The following FSTL5 variants were observed in gnomAD, a reference collection of about 807,000 sequenced individuals.
FSTL5 encodes follistatin like 5, also known as follistatin-related protein 5.
Under a neutral mutation model 89.1 loss-of-function variants are expected in FSTL5, and 62 were observed. The ratio of observed to expected loss-of-function variants is 0.70; its 90% CI spans 0.57 to 0.86. The LOEUF is 0.86. FSTL5 is among the 40% of genes least tolerant of loss of function. FSTL5 has a pLI of 0.00. For missense variants in FSTL5, 1,057 were observed against 1,001.6 expected (o/e 1.06, Z -0.75); for synonymous variants, 383 against 346.2 (o/e 1.11, Z -1.18).
At chr4:161,680,697 A>T (rs963825019) in intron 6 of FSTL5, among the ~76,000 whole-genome samples, 1 of 151,692 alleles carries the variant, frequency 6.6e-6, no homozygotes, top group African/African-American at 2.4e-5. Context: ...GGAAATAATT[A>T]TAGTAAAATA....
At chr4:161,607,363 C>T (rs1424371591) in intron 7 of FSTL5, among the ~76,000 whole-genome samples, 1 of 151,996 alleles carries the variant, frequency 6.6e-6, no homozygotes. Context: ...TTTTTTAAGT[C>T]AGGAGAGAAT....
At chr4:161,765,394 T>C (rs758910688) in intron 5 of FSTL5, among the ~76,000 whole-genome samples, 43 of 152,334 alleles carry the variant, frequency 2.8e-4, no homozygotes, top group Non-Finnish European at 5.4e-4. Context: ...ATAAAACGGC[T>C]ATTATAAATC....
chr4:161,549,727 C>T (rs1169515080), intron 8 of FSTL5, among the ~76,000 whole-genome samples: 7 of 151,876 alleles, frequency 4.6e-5, no homozygotes, highest in Non-Finnish European at 7.4e-5. Context: ...ATTTGCTCTC[C>T]GGTTAATGCA....
At chr4:162,034,845 T>C (rs1353582865) in intron 2 of FSTL5, among the ~76,000 whole-genome samples, 2 of 152,182 alleles carry the variant, frequency 1.3e-5, no homozygotes, top group Non-Finnish European at 2.9e-5. Flanking sequence ...TGTGTATTTA[T>C]TGAATCAGCT....
chr4:161,563,454 C>G (rs78082234), intron 8 of FSTL5, among the ~76,000 whole-genome samples: 10,902 of 151,920 alleles, frequency 0.072, 694 homozygotes, highest in East Asian at 0.32. Flanking sequence ...TCTGACCATC[C>G]GTTATTTTCC....
chr4:162,077,019 A>G (rs1729877399), intron 2 of FSTL5, among the ~76,000 whole-genome samples: 1 of 151,998 alleles, frequency 6.6e-6, no homozygotes, highest in South Asian at 2.1e-4. Flanking sequence ...CAGTAGAATC[A>G]GCTGCATATA....
intron 6 of FSTL5, among the ~76,000 whole-genome samples, chr4:161,674,564 G>A (rs2126701697): frequency 6.6e-6 from 1 of 152,224 alleles, no homozygotes; most frequent in South Asian, 2.1e-4. Flanking sequence ...GAACTGCATA[G>A]TATATCAACG....
chr4:161,981,170 T>C (rs1455571412), intron 3 of FSTL5, among the ~76,000 whole-genome samples: 1 of 152,154 alleles, frequency 6.6e-6, no homozygotes, highest in Non-Finnish European at 1.5e-5. Context: ...GAAAAGTCAG[T>C]ACAGGAAAAG....
intron 2 of FSTL5, among the ~76,000 whole-genome samples, chr4:162,109,446 C>T (rs1731352323): frequency 6.6e-6 from 1 of 152,000 alleles, no homozygotes. Context: ...TCTGTCTCTA[C>T]TTTTAAAACC....
chr4:161,695,436 T>TGTGTGTGG (rs2126724311), intron 6 of FSTL5, among the ~76,000 whole-genome samples: 1 of 133,268 alleles, frequency 7.5e-6, no homozygotes, highest in South Asian at 2.3e-4. Flanking sequence ...TGTGTGTGTG[T>TGTGTGTGG]GTGTGTGTGT....
intron 3 of FSTL5, among the ~76,000 whole-genome samples, chr4:161,968,764 T>G (rs535181216): frequency 2.8e-4 from 42 of 152,130 alleles, no homozygotes; most frequent in Non-Finnish European, 5.4e-4. Context: ...GCAAACATCT[T>G]GATTATTCAA....
intron 2 of FSTL5, among the ~76,000 whole-genome samples, chr4:162,068,644 AG>A (rs1729456390): frequency 5.3e-5 from 8 of 152,246 alleles, no homozygotes; most frequent in Admixed American, 4.6e-4. Flanking sequence ...GCACAGGCAA[AG>A]ATATCATGAT....
At position 162,088,014 on chromosome 4, in the gene FSTL5, A is replaced by C. The variant is rs187475561; in HGVS notation, c.126+23257T>G. Among the ~76,000 whole-genome samples, 22 of 152,248 alleles carry C rather than the reference A, an allele frequency of 1.4e-4. No homozygotes were observed. The East Asian group carries it at 4.3e-3, about 29-fold the overall frequency. On this transcript the variant is annotated intron_variant, in intron 2 of 15. Transcript: ENST00000306100. The stretch of plus-strand genomic sequence containing the variant: ...GAATGGATTAGGGAAATATTCAAAA[A>C]ATAATACTTAGTTTTTAAAAAGCCT...
At chr4:161,895,135 C>G (rs1733114033) in intron 4 of FSTL5, among the ~76,000 whole-genome samples, 1 of 152,166 alleles carries the variant, frequency 6.6e-6, no homozygotes, top group Non-Finnish European at 1.5e-5. Context: ...CAAAGTCTCA[C>G]AGCTAATAAG....
At chr4:161,623,347 A>G (rs764179466) in intron 7 of FSTL5, among the ~76,000 whole-genome samples, 1 of 152,054 alleles carries the variant, frequency 6.6e-6, no homozygotes, top group Non-Finnish European at 1.5e-5. Flanking sequence ...GGCAGATGTT[A>G]TCACTATTTA....
chr4:162,044,036 C>T (rs180691879), intron 2 of FSTL5, among the ~76,000 whole-genome samples: 4 of 152,262 alleles, frequency 2.6e-5, no homozygotes, highest in African/African-American at 7.2e-5. Flanking sequence ...TTAAAGTTGA[C>T]ATTTTGACCT....
intron 8 of FSTL5, among the ~76,000 whole-genome samples, chr4:161,550,824 A>C (rs1388645100): frequency 6.6e-6 from 1 of 151,868 alleles, no homozygotes; most frequent in Admixed American, 6.6e-5. Flanking sequence ...ATGAGTGAGA[A>C]TATGCGGTGT....
intron 1 of FSTL5, among the ~76,000 whole-genome samples, chr4:162,152,738 T>G (rs1733277576): frequency 6.6e-6 from 1 of 151,988 alleles, no homozygotes; most frequent in Non-Finnish European, 1.5e-5. Flanking sequence ...AAATTTTCTA[T>G]GAAAAAATGT....
At chr4:161,880,654 T>C (rs944790503) in intron 4 of FSTL5, among the ~76,000 whole-genome samples, 2 of 152,170 alleles carry the variant, frequency 1.3e-5, no homozygotes, top group African/African-American at 4.8e-5. Context: ...CTAACTGTCC[T>C]TCAACAAAAG....
Sources: gnomAD v4.1 joint callset for allele counts (sites outside exome capture counted in the v4.1 genomes callset) on GRCh38, gnomAD v4.1.1 for gene constraint, MANE v1.5 for transcripts, NCBI Gene and HGNC (gene_info 2026-07-23, HGNC 2026-07-21) for gene names.